Variants in GRK3 observed in about 807,000 individuals in gnomAD.
The protein encoded by GRK3 is G protein-coupled receptor kinase 3, also known as adrenergic, beta, receptor kinase 2.
A neutral mutation model predicts 95.7 loss-of-function variants in GRK3; 54 were observed. That is an observed-to-expected ratio of 0.56 (90% CI 0.45 to 0.71). GRK3 has a LOEUF of 0.71. Among genes scored for constraint, GRK3 ranks in the 30% least tolerant of loss-of-function variants. The probability of loss-of-function intolerance (pLI) is 0.00; values close to 1 mark genes in which losing one functional copy is unlikely to be tolerated. For missense variants in GRK3, 649 were observed against 851.2 expected, an observed-to-expected ratio of 0.76 and a Z score of 2.96; for synonymous variants, 281 against 290.8, an observed-to-expected ratio of 0.97 and a Z score of 0.34.
At chr22:25,645,920 C>CA (rs553003120) in intron 3 of GRK3, among the ~76,000 whole-genome samples, 9,363 of 116,324 alleles carry the variant, frequency 0.08, 409 homozygotes, top group African/African-American at 0.16. Context: ...GACTCCATCT[C>CA]AAAAAAAAAA....
chr22:25,669,594 C>T (rs1050836426), intron 6 of GRK3, among the ~76,000 whole-genome samples: 14 of 152,208 alleles, frequency 9.2e-5, no homozygotes, highest in Non-Finnish European at 2.1e-4. Context: ...GGGCTCTTTC[C>T]TTTGTCACAG....
In GRK3 at chr22:25,663,621, C is replaced by T; in HGVS notation, c.367-9C>T. On this transcript the variant is annotated splice_polypyrimidine_tract_variant and intron_variant, in intron 4 of 20. Transcript: ENST00000324198. Reference sequence around the variant, plus strand: ...TATTATTTAAAAATATTATTTTTGACTTTGATAGCCTTTCTCAAAGCAAGC... The same window carrying T: ...TATTATTTAAAAATATTATTTTTGATTTTGATAGCCTTTCTCAAAGCAAGC... 6.3e-7 allele frequency: 1 copy of T among 1,585,736 alleles called. No homozygotes were observed. Among genetic ancestry groups the T allele is most frequent in the Non-Finnish European group, 8.6e-7 (1 of 1,163,444 alleles).
chr22:25,571,162 G>A (rs1931688177), intron 1 of GRK3, among the ~76,000 whole-genome samples: 2 of 152,072 alleles, frequency 1.3e-5, no homozygotes, highest in South Asian at 4.1e-4. Flanking sequence ...CATCCTTAGT[G>A]CACCAGAAAG....
intron 5 of GRK3, 79 bp downstream of exon 5, chr22:25,663,783 A>C: frequency 1.0e-6 from 1 of 974,730 alleles, no homozygotes. Context: ...TTGCATGTGC[A>C]ATTACACTAG....
Position 25,565,293 on chromosome 22 carries a change from C to A in GRK3, c.113+140C>A, listed in dbSNP as rs41258164. 4 of 429,458 alleles carry A rather than the reference C, an allele frequency of 9.3e-6. No homozygotes were observed. In the East Asian group the frequency reaches 1.3e-4, roughly 14 times the overall value. 26.6% of individuals were successfully genotyped at this position (429,458 alleles called of 1,614,324 possible). A position where few individuals can be genotyped will look rare whatever the true frequency, so the allele number is the denominator to read the frequency against. On this transcript the variant is annotated intron_variant, in intron 1 of 20. Transcript: ENST00000324198. ...CACAGCGGAGCGGGCGATGCGGGGC[C>A]GGCCTCGTCGTTCCAGTCTCTGAAA...
At chr22:25,706,981 C>T (rs558761745) in intron 15 of GRK3, among the ~76,000 whole-genome samples, 2 of 152,152 alleles carry the variant, frequency 1.3e-5, no homozygotes, top group African/African-American at 4.8e-5. Context: ...ATTACCATGC[C>T]TGGCTAACTT....
intron 1 of GRK3, among the ~76,000 whole-genome samples, chr22:25,585,114 C>T (rs1311689251): frequency 6.6e-6 from 1 of 152,252 alleles, no homozygotes; most frequent in East Asian, 1.9e-4. Context: ...TCATCCTGGG[C>T]TTGTAGAACA....
chr22:25,716,938 C>T (rs1461570876), intron 18 of GRK3, among the ~76,000 whole-genome samples: 1 of 152,158 alleles, frequency 6.6e-6, no homozygotes, highest in Non-Finnish European at 1.5e-5. Context: ...CGTGAGGGAT[C>T]TAGGTTACGT....
chr22:25,672,438 C>G, intron 7 of GRK3, 91 bp downstream of exon 7: 1 of 711,020 alleles, frequency 1.4e-6, no homozygotes, highest in Non-Finnish European at 2.4e-6. Flanking sequence ...GGAACGTACT[C>G]CCAGAGGGTC....
In GRK3 at chr22:25,718,276, C is replaced by T. The variant is rs192759683; in HGVS notation, c.1686C>T (p.His562=). 15 of 1,614,074 alleles carry T rather than the reference C, an allele frequency of 9.3e-6. No homozygotes were observed. In the African/African-American group the frequency reaches 1.3e-4, roughly 14 times the overall value. The stretch of plus-strand genomic sequence containing the variant: ...CTCTGGGGAAGGACTGTATTATGCA[C>T]GGGTACATGCTGAAACTGGGAAACC... The part of the protein sequence containing the change: ...DYALGKDCIM[H]GYMLKLGNPF... The change falls in exon 19 of 21, where the codon CAC becomes CAT. Residue 562 remains histidine (H), a synonymous_variant. Coordinates refer to ENST00000324198, the MANE Select transcript of GRK3 (RefSeq NM_005160.4).
chr22:25,647,669 C>T, intron 3 of GRK3: 1 of 1,406,170 alleles, frequency 7.1e-7, no homozygotes, highest in Non-Finnish European at 1.0e-6. Context: ...TCAATCACTA[C>T]AGGAAAGAAT....
chr22:25,603,154 T>C (rs2084420514), intron 1 of GRK3, among the ~76,000 whole-genome samples: 1 of 152,196 alleles, frequency 6.6e-6, no homozygotes, highest in Non-Finnish European at 1.5e-5. Flanking sequence ...TGACCTCAGA[T>C]GATTCACTCG....
intron 1 of GRK3, among the ~76,000 whole-genome samples, chr22:25,600,217 G>T (rs1047913044): frequency 2.0e-5 from 3 of 151,410 alleles, no homozygotes; most frequent in African/African-American, 7.3e-5. Context: ...CATGATCTCG[G>T]CTCACTGCAA....
At chr22:25,566,147 T>C (rs1361005754) in intron 1 of GRK3, among the ~76,000 whole-genome samples, 3 of 152,210 alleles carry the variant, frequency 2.0e-5, no homozygotes, top group Admixed American at 2.0e-4. Context: ...TCTAGCTCCT[T>C]TCCTAATTAA....
intron 2 of GRK3, among the ~76,000 whole-genome samples, chr22:25,607,285 A>G (rs375105702): frequency 9.4e-4 from 132 of 139,892 alleles, no homozygotes; most frequent in East Asian, 8.7e-3. Flanking sequence ...CCCAAACGTG[A>G]AATTTATCAT....
chr22:25,705,057 T>C (rs2085289159), intron 15 of GRK3, among the ~76,000 whole-genome samples: 1 of 152,188 alleles, frequency 6.6e-6, no homozygotes, highest in Non-Finnish European at 1.5e-5. Context: ...TGTGTATGTA[T>C]TTTTAGTGTG....
At position 25,727,472 on chromosome 22, in the gene GRK3, C is replaced by T. The variant is rs1015636773; in HGVS notation, c.*5022C>T. 1 of 152,218 alleles carries T rather than the reference C, an allele frequency of 6.6e-6. No homozygotes were observed. Among genetic ancestry groups the T allele is most frequent in the Admixed American group, 6.5e-5 (1 of 15,282 alleles). The allele number at this position is 152,218 out of a possible 1,614,324, so 9.4% of individuals were successfully genotyped here. ...ACTCCTGCAGGCCCCCACAGCTGGC[C>T]CAAAGGGGCTGTCTTTCTGACCTGG... On this transcript the variant is annotated 3_prime_UTR_variant, in exon 21 of 21. Transcript: ENST00000324198.
chr22:25,722,539 C>T lies in GRK3; in HGVS notation c.*89C>T. 7.2e-7 allele frequency: 1 copy of T among 1,394,034 alleles called. No individual in the cohort carries two copies. The highest frequency in any genetic ancestry group is 2.4e-5 in the East Asian group (1 of 42,174). 86.4% of individuals were successfully genotyped at this position (1,394,034 alleles called of 1,614,324 possible). On this transcript the variant is annotated 3_prime_UTR_variant, in exon 21 of 21. Transcript: ENST00000324198. ...GAGGATGAGGCATCTGATCTATTCG[C>T]TACCGGGACTCCTCCAGGCTCCCGA... is the stretch of plus-strand genomic sequence containing the variant.
intron 2 of GRK3, among the ~76,000 whole-genome samples, chr22:25,633,649 T>C (rs2084679964): frequency 6.6e-6 from 1 of 152,164 alleles, no homozygotes. Context: ...ATGTGTACCA[T>C]ATATATGAAT....
Sources: gnomAD v4.1 joint callset for allele counts (sites outside exome capture counted in the v4.1 genomes callset) on GRCh38, gnomAD v4.1.1 for gene constraint, MANE v1.5 for transcripts, NCBI Gene and HGNC (gene_info 2026-07-23, HGNC 2026-07-21) for gene names.